The following PTPRJ variants were observed in gnomAD, a reference collection of about 807,000 sequenced individuals.
PTPRJ encodes protein tyrosine phosphatase receptor type J.
Under a neutral mutation model 141.3 loss-of-function variants are expected in PTPRJ, and 129 were observed. The observed-to-expected ratio is 0.91, with a 90% CI of 0.79 to 1.06. The LOEUF (loss-of-function observed/expected upper bound fraction) is 1.06. Ranked by LOEUF, PTPRJ falls within the 50% of genes least tolerant of loss-of-function variation. PTPRJ has a pLI of 0.00. For synonymous variants in PTPRJ, 610 were observed against 640.5 expected (o/e 0.95, Z 0.72); for missense variants, 1,601 against 1,679.7 (o/e 0.95, Z 0.82).
At chr11:48,023,745 G>A (rs1853722046) in intron 1 of PTPRJ, among the ~76,000 whole-genome samples, 3 of 151,814 alleles carry the variant, frequency 2.0e-5, no homozygotes, top group Admixed American at 2.0e-4. Context: ...TCACACCATT[G>A]TACTCCAGCC....
chr11:48,011,956 G>A (rs1029481807), intron 1 of PTPRJ, among the ~76,000 whole-genome samples: 1 of 152,158 alleles, frequency 6.6e-6, no homozygotes, highest in Non-Finnish European at 1.5e-5. Flanking sequence ...GAGCCACTGT[G>A]CCCCGCCTCA....
chr11:48,147,175 T>C (rs1223621679), intron 15 of PTPRJ, among the ~76,000 whole-genome samples: 3 of 152,196 alleles, frequency 2.0e-5, no homozygotes. Flanking sequence ...AGGCCACTGA[T>C]AGACGCCACA....
chr11:48,029,534 A>AC (rs1391518663), intron 1 of PTPRJ, among the ~76,000 whole-genome samples: 2 of 152,210 alleles, frequency 1.3e-5, no homozygotes, highest in Admixed American at 1.3e-4. Flanking sequence ...ATGTTACAGG[A>AC]CAGTAATAAA....
intron 1 of PTPRJ, among the ~76,000 whole-genome samples, chr11:48,062,784 C>A (rs546108036): frequency 6.6e-6 from 1 of 152,222 alleles, no homozygotes; most frequent in African/African-American, 2.4e-5. Flanking sequence ...TCCCTGCCAA[C>A]TTTTCCAACA....
intron 1 of PTPRJ, among the ~76,000 whole-genome samples, chr11:48,086,419 G>A (rs998084084): frequency 3.9e-5 from 6 of 152,228 alleles, no homozygotes; most frequent in African/African-American, 1.2e-4. Context: ...TGATCCACTC[G>A]CTTCGGCCTC....
At chr11:48,155,918 A>T (rs1254656676) in intron 20 of PTPRJ, 44 bp downstream of exon 20, 1 of 1,589,752 alleles carries the variant, frequency 6.3e-7, no homozygotes, top group Non-Finnish European at 8.6e-7. Flanking sequence ...GTTTCGATGA[A>T]ATCTTCAGTG....
At chr11:48,166,522 C>T (rs1857921125) in intron 24 of PTPRJ, among the ~76,000 whole-genome samples, 1 of 151,954 alleles carries the variant, frequency 6.6e-6, no homozygotes, top group Non-Finnish European at 1.5e-5. Context: ...CCATGTTGGC[C>T]AGGCTGATCT....
Position 48,123,844 on chromosome 11 carries a change from A to AC in PTPRJ, c.852dup (p.Thr287HisfsTer24). ...CTACAATCAAATAAGACAAAGGGAG[A>AC]CCCCTTGGGCACAGAAGGTGGCTTG... On this transcript the variant is annotated frameshift_variant, in exon 5 of 25. Coordinates refer to ENST00000418331, the MANE Select transcript of PTPRJ (RefSeq NM_002843.4). LOFTEE classifies it high-confidence loss of function. The AC allele has an allele frequency of 6.2e-7, 1 of 1,613,946 alleles. No individual in the cohort carries two copies. The highest frequency in any genetic ancestry group is 8.5e-7 in the Non-Finnish European group (1 of 1,179,910).
Position 48,123,772 on chromosome 11 carries a change from T to G in PTPRJ, c.776T>G (p.Ile259Ser). The G allele has an allele frequency of 6.2e-7, 1 of 1,614,070 alleles. No individual in the cohort carries two copies. The highest frequency in any genetic ancestry group is 8.5e-7 in the Non-Finnish European group (1 of 1,180,020). Residue 259 changes from isoleucine to serine, a missense_variant, in exon 5 of 25, where the codon ATC (isoleucine) becomes AGC (serine). Ile to Ser is a moderately radical substitution (Grantham distance 142). Transcript: ENST00000418331. ...CAAGACTCAAGACTTCAGGTCAATA[T>G]CTCGGGCCTGAAGCCAGGGGTTCAA... ...LTQDSRLQVN[I>S]SGLKPGVQYN...
chr11:48,135,179 T>C (rs569097947), intron 8 of PTPRJ, among the ~76,000 whole-genome samples: 1 of 148,346 alleles, frequency 6.7e-6, no homozygotes, highest in East Asian at 2.0e-4. Context: ...GCTTTTTTTT[T>C]TTTTTTTTTT....
At position 48,164,471 on chromosome 11, in the gene PTPRJ, G is replaced by A; in HGVS notation, c.3811G>A (p.Val1271Met). Residue 1271 changes from valine to methionine, a missense_variant, in exon 24 of 25, where the codon GTG becomes ATG. By Grantham distance (21) the Val-to-Met change is conservative. Transcript: ENST00000418331. ...NENTVDVYGI[V>M]YDLRMHRPLM... ...GAACACCGTGGATGTGTATGGGATT[G>A]TGTATGACCTTCGAATGCATAGGCC... The A allele has an allele frequency of 6.2e-7, 1 of 1,610,930 alleles. No individual in the cohort carries two copies. The highest frequency in any genetic ancestry group is 1.1e-5 in the South Asian group (1 of 91,036).
chr11:48,041,344 A>G (rs531377840), intron 1 of PTPRJ, among the ~76,000 whole-genome samples: 1 of 152,168 alleles, frequency 6.6e-6, no homozygotes, highest in Non-Finnish European at 1.5e-5. Context: ...AATAACTCTC[A>G]TACACACTGC....
At position 47,980,921 on chromosome 11, in the gene PTPRJ, G is replaced by A. The variant is rs1327966683; in HGVS notation, c.9G>A (p.Pro3=). 1 of 1,174,666 alleles carries A rather than the reference G, an allele frequency of 8.5e-7. No homozygotes were observed. 72.8% of individuals were successfully genotyped at this position (1,174,666 alleles called of 1,614,324 possible). The change falls in exon 1 of 25, where the codon CCG becomes CCA. Residue 3 remains proline, a synonymous_variant. Coordinates refer to ENST00000418331, the MANE Select transcript of PTPRJ (RefSeq NM_002843.4). MK[P]AAREARLPPR... ...TCCAGGGCGCGCGGGGCATGAAGCC[G>A]GCGGCGCGGGAGGCGCGGCTGCCTC...
rs201089282 is a variant in PTPRJ at position 48,128,009 on chromosome 11, C to T, written c.1323C>T (p.Ile441=). 3,511 of 1,613,672 alleles carry T rather than the reference C, an allele frequency of 2.2e-3. 77 individuals carry two copies. In the South Asian group the frequency reaches 0.035, roughly 16 times the overall value. The change falls in exon 7 of 25, where the codon ATC becomes ATT. Residue 441 remains isoleucine, a synonymous_variant. Transcript: ENST00000418331. ...NITVCPVLGD[I]EGTPGFLQVH... ...CAGTGTGTCCTGTCCTAGGTGACAT[C>T]GAGGGCACGCCGGGCTTCCTCCAAG...
intron 1 of PTPRJ, among the ~76,000 whole-genome samples, chr11:48,044,033 C>T (rs1237123958): frequency 6.6e-6 from 1 of 152,168 alleles, no homozygotes; most frequent in Non-Finnish European, 1.5e-5. Flanking sequence ...TAGGATGTTC[C>T]AAAACTAGGT....
At chr11:48,045,522 C>T (rs1854370774) in intron 1 of PTPRJ, among the ~76,000 whole-genome samples, 1 of 152,186 alleles carries the variant, frequency 6.6e-6, no homozygotes, top group Non-Finnish European at 1.5e-5. Flanking sequence ...ACCGTTTGCT[C>T]CCGACTTTTG....
At chr11:48,046,918 T>A (rs1383404144) in intron 1 of PTPRJ, among the ~76,000 whole-genome samples, 45 of 117,468 alleles carry the variant, frequency 3.8e-4, no homozygotes, top group Middle Eastern at 4.0e-3. Context: ...ATATATTTTT[T>A]TTTTTTTTTT....
In PTPRJ at chr11:48,059,990, C is replaced by T. The variant is rs756717586; in HGVS notation, c.97-50068C>T. 6.6e-5 allele frequency among the ~76,000 whole-genome samples: 10 copies of T among 152,174 alleles called. No individual in the cohort carries two copies. The South Asian group carries it at 1.0e-3, about 16-fold the overall frequency. ...GGAACTTTGAGCATGGTGAATGGGGCGCTCTATGGAAAAGGGGTTCTGGGA... is the reference window on the plus strand; with the variant it reads ...GGAACTTTGAGCATGGTGAATGGGGTGCTCTATGGAAAAGGGGTTCTGGGA... On this transcript the variant is annotated intron_variant, in intron 1 of 24. Coordinates refer to ENST00000418331, the MANE Select transcript of PTPRJ (RefSeq NM_002843.4).
Position 48,001,034 on chromosome 11 carries a change from C to T in PTPRJ, c.96+20026C>T, listed in dbSNP as rs1446474267. Among the ~76,000 whole-genome samples, 7 of 141,364 alleles carry T rather than the reference C, an allele frequency of 5.0e-5. No individual in the cohort carries two copies. The South Asian group carries it at 6.8e-4, about 14-fold the overall frequency. The allele number at this position is 141,364 out of a possible 152,430, so 92.7% of individuals were successfully genotyped here. ...ATTTTGAGACAGAGTCTCACTCTGT[C>T]GCCCAGGCTCGAGTACAGTGGTGAT... On this transcript the variant is annotated intron_variant, in intron 1 of 24. Transcript: ENST00000418331.
Sources: allele counts gnomAD v4.1 joint callset (sites outside exome capture counted in the v4.1 genomes callset), GRCh38; gene constraint gnomAD v4.1.1; transcripts MANE v1.5; gene names NCBI Gene and HGNC (gene_info 2026-07-23, HGNC 2026-07-21).